The following TAC3 variants were observed in gnomAD, a reference collection of about 807,000 sequenced individuals.
TAC3 encodes tachykinin precursor 3.
In TAC3, 9 loss-of-function variants were observed where a neutral mutation model predicts 16.5. The observed-to-expected ratio is 0.55, with a 90% CI of 0.33 to 0.95. The LOEUF is 0.95. Ranked by LOEUF, TAC3 falls within the 40% of genes least tolerant of loss-of-function variation. The pLI is 0.03. For missense variants in TAC3, 129 were observed against 149.1 expected, an observed-to-expected ratio of 0.87 and a Z score of 0.70; for synonymous variants, 52 against 56.7, an observed-to-expected ratio of 0.92 and a Z score of 0.37.
chr12:57,014,278 C>T (rs1339835051), intron 2 of TAC3, among the ~76,000 whole-genome samples: 3 of 151,958 alleles, frequency 2.0e-5, no homozygotes, highest in South Asian at 4.2e-4. Context: ...TGGGCACACA[C>T]CACACAGCCA....
At position 57,010,158 on chromosome 12, in the gene TAC3, G is replaced by A. The variant is rs574477564; in HGVS notation, c.*132C>T. ...CACACCAGGGTCAGGTAGAAAAGAT[G>A]GAGAAGGAGTCAAAGCACAAGAATG... On this transcript the variant is annotated 3_prime_UTR_variant, in exon 7 of 7. Coordinates refer to ENST00000458521, the MANE Select transcript of TAC3 (RefSeq NM_013251.4). The A allele has an allele frequency of 1.1e-5, 5 of 454,092 alleles. No homozygotes were observed. The highest frequency in any genetic ancestry group is 8.0e-5 in the African/African-American group (4 of 50,106). 28.1% of individuals were successfully genotyped at this position (454,092 alleles called of 1,614,324 possible).
chr12:57,012,338 TC>T, intron 6 of TAC3, 39 bp downstream of exon 6: 1 of 703,250 alleles, frequency 1.4e-6, no homozygotes. Flanking sequence ...CACAGCCCCC[TC>T]CCCAGTCCCC....
chr12:57,013,199 G>T, intron 4 of TAC3, 160 bp downstream of exon 4: 1 of 943,702 alleles, frequency 1.1e-6, no homozygotes, highest in Non-Finnish European at 1.7e-6. Context: ...TCCTAGTTCT[G>T]GATGGCCTCT....
At chr12:57,012,519 A>C in intron 5 of TAC3, 67 bp from the exon 6 acceptor site, 1 of 1,606,974 alleles carries the variant, frequency 6.2e-7, no homozygotes, top group South Asian at 1.1e-5. Context: ...CTGATCCAAC[A>C]GCAAAGGGCT....
intron 2 of TAC3, among the ~76,000 whole-genome samples, chr12:57,015,051 C>T (rs1956353710): frequency 6.6e-6 from 1 of 152,210 alleles, no homozygotes; most frequent in Non-Finnish European, 1.5e-5. Flanking sequence ...CGTAAAGGAA[C>T]TGTGGAAATC....
At chr12:57,012,491 C>T in intron 5 of TAC3, 39 bp from the exon 6 acceptor site, 1 of 1,612,402 alleles carries the variant, frequency 6.2e-7, no homozygotes, top group Non-Finnish European at 8.5e-7. Context: ...AGGGATCTTT[C>T]TGAATGTGAA....
rs1420319391 is a variant in TAC3 at position 57,013,303 on chromosome 12, C to T, written c.238+56G>A. ...GACAAAATGGCCCCTGGGCCCAATGCCCCACAGAGCTCTGGGCAAGTGGCA... is the reference window on the plus strand; with the variant it reads ...GACAAAATGGCCCCTGGGCCCAATGTCCCACAGAGCTCTGGGCAAGTGGCA... On this transcript the variant is annotated intron_variant, in intron 4 of 6. Coordinates refer to ENST00000458521, the MANE Select transcript of TAC3 (RefSeq NM_013251.4). 1.3e-5 allele frequency: 21 copies of T among 1,601,524 alleles called. No homozygotes were observed. The Admixed American group carries it at 3.0e-4, about 23-fold the overall frequency.
At chr12:57,014,966 T>A (rs1416312066) in intron 2 of TAC3, among the ~76,000 whole-genome samples, 1 of 152,226 alleles carries the variant, frequency 6.6e-6, no homozygotes, top group Non-Finnish European at 1.5e-5. Context: ...GTAATTGCTG[T>A]CATTTCAAAA....
chr12:57,014,820 C>T (rs1956350414), intron 2 of TAC3, among the ~76,000 whole-genome samples: 1 of 152,090 alleles, frequency 6.6e-6, no homozygotes, highest in Non-Finnish European at 1.5e-5. Context: ...AGCCACTTTT[C>T]CCAAATTGTT....
chr12:57,015,475 G>A (rs1021537374), intron 2 of TAC3, among the ~76,000 whole-genome samples: 9 of 152,148 alleles, frequency 5.9e-5, no homozygotes, highest in Non-Finnish European at 4.4e-5. Context: ...TATGTACAAG[G>A]TGTCAAAGAC....
At chr12:57,012,598 C>T (rs552744174) in intron 5 of TAC3, 146 bp from the exon 6 acceptor site, 3 of 1,611,258 alleles carry the variant, frequency 1.9e-6, no homozygotes, top group East Asian at 4.5e-5. Flanking sequence ...CCCTATCCTT[C>T]CTCCCAGCTG....
intron 2 of TAC3, among the ~76,000 whole-genome samples, chr12:57,014,227 ATT>A (rs200162962): frequency 5.0e-5 from 7 of 140,632 alleles, no homozygotes; most frequent in Non-Finnish European, 4.7e-5. Flanking sequence ...TGTCCCTGTG[ATT>A]TTTTTTTTTT....
chr12:57,015,346 G>A (rs760711116), intron 2 of TAC3, among the ~76,000 whole-genome samples: 3 of 152,060 alleles, frequency 2.0e-5, no homozygotes, highest in Non-Finnish European at 2.9e-5. Context: ...CCTTGCAAAG[G>A]GACCTGAGGT....
rs1476179266 is a variant in TAC3 at position 57,010,172 on chromosome 12, A to G, written c.*118T>C. The G allele has an allele frequency of 2.2e-6, 1 of 454,138 alleles. No individual in the cohort carries two copies. The highest frequency in any genetic ancestry group is 1.6e-5 in the South Asian group (1 of 64,476). The allele number at this position is 454,138 out of a possible 1,614,324, so 28.1% of individuals were successfully genotyped here. A position where few individuals can be genotyped will look rare whatever the true frequency, so the allele number is the denominator to read the frequency against. On this transcript the variant is annotated 3_prime_UTR_variant, in exon 7 of 7. Coordinates refer to ENST00000458521, the MANE Select transcript of TAC3 (RefSeq NM_013251.4). Reference sequence around the variant, plus strand: ...GTAGAAAAGATGGAGAAGGAGTCAAAGCACAAGAATGTTACAAGAACAGGG... The same window carrying G: ...GTAGAAAAGATGGAGAAGGAGTCAAGGCACAAGAATGTTACAAGAACAGGG...
intron 2 of TAC3, 85 bp from the exon 3 acceptor site, chr12:57,013,756 G>A: frequency 8.9e-7 from 1 of 1,126,692 alleles, no homozygotes; most frequent in Non-Finnish European, 1.3e-6. Flanking sequence ...GCCTCTTCCT[G>A]AGCCCATCCT....
At chr12:57,012,025 T>C (rs1225100852) in intron 6 of TAC3, 2 of 309,300 alleles carry the variant, frequency 6.5e-6, no homozygotes, top group African/African-American at 4.3e-5. Flanking sequence ...TTTGTAATTA[T>C]CAGATAATAA....
intron 3 of TAC3, 40 bp from the exon 4 acceptor site, chr12:57,013,428 T>C (rs146759816): frequency 6.4e-5 from 104 of 1,613,572 alleles, no homozygotes; most frequent in Non-Finnish European, 8.1e-5. Context: ...GGGAGTGAAG[T>C]TGGAAAGTGA....
In TAC3 at chr12:57,013,674, AG is replaced by A. The variant is rs1233511264; in HGVS notation, c.115-4del. 6.2e-7 allele frequency: 1 copy of A among 1,610,468 alleles called. No homozygotes were observed. Among genetic ancestry groups the A allele is most frequent in the East Asian group, 2.2e-5 (1 of 44,844 alleles). On this transcript the variant is annotated splice_region_variant and splice_polypyrimidine_tract_variant and intron_variant, in intron 2 of 6. Transcript: ENST00000458521. ...AGCTGGTAGAGATCTGGATCCCTCT[AG>A]GGAAGAAACAAAGAGGGGTGAGGCA...
chr12:57,012,920 G>A (rs1308668463), intron 4 of TAC3, 45 bp from the exon 5 acceptor site: 6 of 1,611,478 alleles, frequency 3.7e-6, no homozygotes, highest in Non-Finnish European at 5.1e-6. Flanking sequence ...ATGAGAAAGT[G>A]AAGCATCTCC....
Sources: gnomAD v4.1 joint callset for allele counts (sites outside exome capture counted in the v4.1 genomes callset) on GRCh38, gnomAD v4.1.1 for gene constraint, MANE v1.5 for transcripts, NCBI Gene and HGNC (gene_info 2026-07-23, HGNC 2026-07-21) for gene names.